FAM200A: variants seen among roughly 807,000 people sequenced by gnomAD.
FAM200A encodes the protein ZBED8 like.
FAM200A carries 26 observed loss-of-function variants against 44.2 expected under a neutral mutation model. That is an observed-to-expected ratio of 0.59 (90% CI 0.43 to 0.82). The LOEUF is 0.82. Ranked by LOEUF, FAM200A falls within the 40% of genes least tolerant of loss-of-function variation. The pLI is 0.00. For synonymous variants in FAM200A, 206 were observed against 244.4 expected (o/e 0.84, Z 1.47); for missense variants, 606 against 669.5 (o/e 0.91, Z 1.05).
At chr7:99,552,443 G>A (rs978124508), upstream of FAM200A, among the ~76,000 whole-genome samples, 2 of 152,156 alleles carry the variant, frequency 1.3e-5, no homozygotes, top group African/African-American at 4.8e-5. Context: ...AGAATAAATG[G>A]TTTCACAAAT....
At chr7:99,556,727 T>C (rs1802686830), upstream of FAM200A, among the ~76,000 whole-genome samples, 1 of 152,198 alleles carries the variant, frequency 6.6e-6, no homozygotes, top group South Asian at 2.1e-4. Context: ...AATCAGTTTG[T>C]TAATTTGCAC....
upstream of FAM200A, among the ~76,000 whole-genome samples, chr7:99,555,068 G>A (rs1802652379): frequency 6.6e-6 from 1 of 152,150 alleles, no homozygotes. Flanking sequence ...CAATTAACAG[G>A]TTGAAGTTCT....
At chr7:99,552,567 A>G (rs1401147578), upstream of FAM200A, among the ~76,000 whole-genome samples, 1 of 152,218 alleles carries the variant, frequency 6.6e-6, no homozygotes, top group African/African-American at 2.4e-5. Flanking sequence ...CTAGATAGTT[A>G]TAAAATTCTG....
At chr7:99,550,577 G>A (rs1802505852) in intron 1 of FAM200A, among the ~76,000 whole-genome samples, 1 of 152,170 alleles carries the variant, frequency 6.6e-6, no homozygotes, top group Non-Finnish European at 1.5e-5. Context: ...GAGACCTTGA[G>A]ATAATCTATT....
At position 99,546,619 on chromosome 7, in the gene FAM200A, C is replaced by T; in HGVS notation, c.*67G>A. 1 of 1,428,490 alleles carries T rather than the reference C, an allele frequency of 7.0e-7. No homozygotes were observed. The highest frequency in any genetic ancestry group is 9.1e-7 in the Non-Finnish European group (1 of 1,093,420). 88.5% of individuals were successfully genotyped at this position (1,428,490 alleles called of 1,614,324 possible). A position where few individuals can be genotyped will look rare whatever the true frequency, so the allele number is the denominator to read the frequency against. ...CAAGTGATCTGCCCACCTCGGTCTC[C>T]CACTGCTGGGATTACAGGCGTAAGC... On this transcript the variant is annotated 3_prime_UTR_variant, in exon 2 of 2. Coordinates refer to ENST00000449309, the MANE Select transcript of FAM200A (RefSeq NM_145111.4).
chr7:99,546,413 G>C lies in FAM200A; in HGVS notation c.*273C>G. The C allele has an allele frequency of 9.3e-6, 3 of 321,774 alleles. No individual in the cohort carries two copies. The highest frequency in any genetic ancestry group is 1.7e-5 in the Non-Finnish European group (3 of 179,452). 19.9% of individuals were successfully genotyped at this position (321,774 alleles called of 1,614,324 possible). A position where few individuals can be genotyped will look rare whatever the true frequency, so the allele number is the denominator to read the frequency against. ...AGATGAAGTCTCACGCTGTTGCCCAGGCTGGAATGCAGTGGGATTATCTCA... is the reference window on the plus strand; with the variant it reads ...AGATGAAGTCTCACGCTGTTGCCCACGCTGGAATGCAGTGGGATTATCTCA... On this transcript the variant is annotated 3_prime_UTR_variant, in exon 2 of 2. Coordinates refer to ENST00000449309, the MANE Select transcript of FAM200A (RefSeq NM_145111.4).
At chr7:99,553,070 C>CACATATATAT (rs1262148562), upstream of FAM200A, among the ~76,000 whole-genome samples, 9 of 74,026 alleles carry the variant, frequency 1.2e-4, no homozygotes, top group Non-Finnish European at 1.7e-4. Flanking sequence ...TATACACACA[C>CACATATATAT]ATATATATAT....
chr7:99,553,070 C>CAT (rs1178743418), upstream of FAM200A, among the ~76,000 whole-genome samples: 4,021 of 73,774 alleles, frequency 0.055, 229 homozygotes, highest in Non-Finnish European at 0.078. Flanking sequence ...TATACACACA[C>CAT]ATATATATAT....
At position 99,548,154 on chromosome 7, in the gene FAM200A, A is replaced by G. The variant is rs776194990; in HGVS notation, c.254T>C (p.Ile85Thr). Residue 85 changes from isoleucine to threonine, a missense_variant, in exon 2 of 2, where the codon ATC becomes ACC. Coordinates refer to ENST00000449309, the MANE Select transcript of FAM200A (RefSeq NM_145111.4). ...KMAHTAAEKI[I>T]LPACMDMVRT... ...TACCATGTCCATACATGCTGGAAGGATAATTTTTTCAGCCGCTGTGTGAGC... is the reference window on the plus strand; with the variant it reads ...TACCATGTCCATACATGCTGGAAGGGTAATTTTTTCAGCCGCTGTGTGAGC... 15 of 1,552,032 alleles carry G rather than the reference A, an allele frequency of 9.7e-6. No individual in the cohort carries two copies. In the South Asian group the frequency reaches 1.5e-4, roughly 16 times the overall value.
rs1363601791 is a variant in FAM200A, at chr7:99,546,937, TATA to T, written c.1468_1470del (p.Tyr490del). 3 of 1,549,308 alleles carry T rather than the reference TATA, an allele frequency of 1.9e-6. No individual in the cohort carries two copies. The highest frequency in any genetic ancestry group is 1.2e-5 in the South Asian group (1 of 83,160). ...CAAAATGCTGATAAACTTAATATCT[TATA>T]ATAATTCTTTAGTGTGAATGATGAA... On this transcript the variant is annotated inframe_deletion, in exon 2 of 2. Transcript: ENST00000449309.
chr7:99,550,864 CAGG>C (rs931221382), intron 1 of FAM200A, among the ~76,000 whole-genome samples: 1 of 152,104 alleles, frequency 6.6e-6, no homozygotes, highest in African/African-American at 2.4e-5. Context: ...CACCTGAGGT[CAGG>C]AGTTCATTTT....
In FAM200A at chr7:99,547,569, AGTC is replaced by A; in HGVS notation, c.836_838del (p.Arg279del). 1 of 1,551,266 alleles carries A rather than the reference AGTC, an allele frequency of 6.4e-7. No individual in the cohort carries two copies. The highest frequency in any genetic ancestry group is 8.7e-7 in the Non-Finnish European group (1 of 1,146,892). ...AATCTCTGAACAAAATATTTCGAGA[AGTC>A]GGCTATTCAGTGAGCTTCCTTTAAT... is the stretch of plus-strand genomic sequence containing the variant. On this transcript the variant is annotated inframe_deletion, in exon 2 of 2. Transcript: ENST00000449309.
rs759711309 is a variant in FAM200A, at chr7:99,546,788, C to T, written c.1620G>A (p.Lys540=). Residue 540 remains lysine, a synonymous_variant, in exon 2 of 2, where the codon AAG becomes AAA. Coordinates refer to ENST00000449309, the MANE Select transcript of FAM200A (RefSeq NM_145111.4). ...CTGGTGCACTATTGAGCCTATTTCT[C>T]TTCTTTGTTTTTAACCGTGTCAAGA... The part of the protein sequence containing the change: ...FSILTRLKTK[K]RNRLNSAPDM... The T allele has an allele frequency of 6.4e-7, 1 of 1,551,610 alleles. No individual in the cohort carries two copies. The highest frequency in any genetic ancestry group is 2.4e-5 in the East Asian group (1 of 40,924).
At chr7:99,551,297 T>C (rs1802523091) in intron 1 of FAM200A, among the ~76,000 whole-genome samples, 1 of 151,876 alleles carries the variant, frequency 6.6e-6, no homozygotes, top group African/African-American at 2.4e-5. Context: ...CCTCCCGGGT[T>C]CAAGCGATTC....
chr7:99,556,072 C>T (rs994530176), upstream of FAM200A, among the ~76,000 whole-genome samples: 9 of 152,130 alleles, frequency 5.9e-5, no homozygotes, highest in Non-Finnish European at 1.2e-4. Context: ...GGTGGAACAA[C>T]TTTCTTTTAC....
chr7:99,551,099 C>T (rs994963125), intron 1 of FAM200A, among the ~76,000 whole-genome samples: 2 of 152,064 alleles, frequency 1.3e-5, no homozygotes, highest in African/African-American at 4.8e-5. Context: ...AACAAAAAGA[C>T]CCCTTCCTAA....
intron 1 of FAM200A, 34 bp downstream of exon 1, chr7:99,551,820 C>G (rs988054579): frequency 1.0e-6 from 1 of 985,360 alleles, no homozygotes; most frequent in Admixed American, 6.1e-5. Flanking sequence ...GGGGTGTCTC[C>G]AATCCGGAAA....
chr7:99,556,025 G>C (rs563959285), upstream of FAM200A, among the ~76,000 whole-genome samples: 1 of 152,258 alleles, frequency 6.6e-6, no homozygotes, highest in African/African-American at 2.4e-5. Context: ...GGGCCCACCA[G>C]GACCTGTACC....
At chr7:99,558,115 C>T (rs1384808949) in intron 1 of FAM200A, among the ~76,000 whole-genome samples, 1 of 152,192 alleles carries the variant, frequency 6.6e-6, no homozygotes, top group African/African-American at 2.4e-5. Flanking sequence ...CCTCCCGTCC[C>T]CGCTTTCCCC....
Sources: allele counts gnomAD v4.1 joint callset (sites outside exome capture counted in the v4.1 genomes callset), GRCh38; gene constraint gnomAD v4.1.1; transcripts MANE v1.5; gene names NCBI Gene and HGNC (gene_info 2026-07-23, HGNC 2026-07-21).